Variants in IGF1R observed in about 807,000 individuals in gnomAD.
IGF1R encodes insulin like growth factor 1 receptor, also known as insulin-like growth factor 1 receptor.
A neutral mutation model predicts 144.6 loss-of-function variants in IGF1R; 44 were observed. That is an observed-to-expected ratio of 0.30 (90% CI 0.24 to 0.39). The LOEUF is 0.39. Ranked by LOEUF, IGF1R falls within the 10% of genes least tolerant of loss-of-function variation. The probability of loss-of-function intolerance (pLI) is 1.00; values close to 1 mark genes in which losing one functional copy is unlikely to be tolerated. For synonymous variants in IGF1R, 795 were observed against 722.8 expected, an observed-to-expected ratio of 1.10 and a Z score of -1.60; for missense variants, 1,355 against 1,833.7, an observed-to-expected ratio of 0.74 and a Z score of 4.77.
In IGF1R at chr15:98,891,659, G is replaced by C; in HGVS notation, c.953+22G>C. 6.3e-7 allele frequency: 1 copy of C among 1,596,378 alleles called. No individual in the cohort carries two copies. The highest frequency in any genetic ancestry group is 8.5e-7 in the Non-Finnish European group (1 of 1,177,886). On this transcript the variant is annotated intron_variant, in intron 3 of 20. Coordinates refer to ENST00000650285, the MANE Select transcript of IGF1R (RefSeq NM_000875.5). This position sits in a 1 kb window ranked among gnomAD's most constrained non-coding sequence, Gnocchi z 4.7. ...AGAGGTCAGTCGCGGCCACACGTGTGGTCACTACCCGCCCCACCTCACCCG... is the reference window on the plus strand; with the variant it reads ...AGAGGTCAGTCGCGGCCACACGTGTCGTCACTACCCGCCCCACCTCACCCG...
At chr15:98,749,449 C>G (rs550154299) in intron 2 of IGF1R, among the ~76,000 whole-genome samples, 7 of 152,246 alleles carry the variant, frequency 4.6e-5, no homozygotes, top group East Asian at 1.9e-4. Flanking sequence ...GGCTGGTTAC[C>G]TGGTAACGCA....
At chr15:98,777,251 C>T (rs2055742351) in intron 2 of IGF1R, among the ~76,000 whole-genome samples, 1 of 152,210 alleles carries the variant, frequency 6.6e-6, no homozygotes, top group Admixed American at 6.5e-5. Flanking sequence ...TTCCTCGTAG[C>T]TACTCAGTGT....
chr15:98,661,752 T>C (rs2052603210), intron 1 of IGF1R, among the ~76,000 whole-genome samples: 1 of 152,192 alleles, frequency 6.6e-6, no homozygotes, highest in African/African-American at 2.4e-5. Context: ...ATAACACTGC[T>C]CTAGCAGGGA....
At chr15:98,784,945 G>A (rs1449131880) in intron 2 of IGF1R, among the ~76,000 whole-genome samples, 8 of 152,176 alleles carry the variant, frequency 5.3e-5, no homozygotes, top group Admixed American at 2.6e-4. Context: ...ACTGAGGGAT[G>A]ACTGTATTTA....
intron 1 of IGF1R, among the ~76,000 whole-genome samples, chr15:98,681,497 T>A (rs2053188969): frequency 6.6e-6 from 1 of 152,178 alleles, no homozygotes; most frequent in East Asian, 1.9e-4. Context: ...GATAAACCTC[T>A]AAGTTTGGGG....
chr15:98,674,977 A>ATTTTTTTTTTTTTTTTTTTTTTTTTT (rs71149408), intron 1 of IGF1R, among the ~76,000 whole-genome samples: 2 of 98,890 alleles, frequency 2.0e-5, no homozygotes, highest in African/African-American at 8.4e-5. Flanking sequence ...GTATTTTACA[A>ATTTTTTTTTTTTTTTTTTTTTTTTTT]TTTTTTTTTT....
chr15:98,690,439 C>T (rs1220528114), intron 1 of IGF1R, among the ~76,000 whole-genome samples: 1 of 152,232 alleles, frequency 6.6e-6, no homozygotes, highest in African/African-American at 2.4e-5. Context: ...ACTCTTCCTT[C>T]TTCCCCCCTG....
chr15:98,859,277 T>G (rs2141579759), intron 2 of IGF1R, among the ~76,000 whole-genome samples: 1 of 152,318 alleles, frequency 6.6e-6, no homozygotes, highest in South Asian at 2.1e-4. Context: ...TGAGGTAGAT[T>G]CTACCAACAT....
chr15:98,688,298 C>G (rs184484882), intron 1 of IGF1R, among the ~76,000 whole-genome samples: 1 of 142,620 alleles, frequency 7.0e-6, no homozygotes, highest in Non-Finnish European at 1.5e-5. Context: ...CCCCTTCTCT[C>G]CTACTCTCCT....
chr15:98,900,040 T>C (rs1462200872), intron 5 of IGF1R, among the ~76,000 whole-genome samples: 1 of 152,162 alleles, frequency 6.6e-6, no homozygotes, highest in Non-Finnish European at 1.5e-5. Flanking sequence ...CTCCATCTTT[T>C]AAGATATTGG....
chr15:98,676,093 G>C (rs1160593612), intron 1 of IGF1R, among the ~76,000 whole-genome samples: 1 of 151,836 alleles, frequency 6.6e-6, no homozygotes, highest in Non-Finnish European at 1.5e-5. Context: ...CCTTCCCAAA[G>C]TGTTGGGATT....
At chr15:98,838,859 G>A (rs1421176559) in intron 2 of IGF1R, among the ~76,000 whole-genome samples, 1 of 152,174 alleles carries the variant, frequency 6.6e-6, no homozygotes, top group Non-Finnish European at 1.5e-5. Context: ...CAGCAGACCC[G>A]GGAAAAATTC....
rs2052298015 is a variant in IGF1R at position 98,649,647 on chromosome 15, G to A, written c.66G>A (p.Ala22=). The stretch of plus-strand genomic sequence containing the variant: ...GGGGGCTCCTGTTTCTCTCCGCCGC[G>A]CTCTCGCTCTGGCCGACGAGTGGAG... ...SLWGLLFLSA[A]LSLWPTSGEI... is the part of the protein sequence containing the mutation. Residue 22 remains alanine, a synonymous_variant, in exon 1 of 21, where the codon GCG becomes GCA. Coordinates refer to ENST00000650285, the MANE Select transcript of IGF1R (RefSeq NM_000875.5). The A allele has an allele frequency of 1.2e-6, 2 of 1,609,324 alleles. No individual in the cohort carries two copies. The highest frequency in any genetic ancestry group is 1.7e-6 in the Non-Finnish European group (2 of 1,178,512).
intron 2 of IGF1R, among the ~76,000 whole-genome samples, chr15:98,775,732 C>G (rs62022087): frequency 0.12 from 18,788 of 152,198 alleles, 1,269 homozygotes; most frequent in Middle Eastern, 0.2. Context: ...AGGTCAGAAT[C>G]CCCTGGGTTG....
At chr15:98,869,310 A>AACC in intron 2 of IGF1R, among the ~76,000 whole-genome samples, 1 of 150,980 alleles carries the variant, frequency 6.6e-6, no homozygotes, top group Non-Finnish European at 1.5e-5. Context: ...AAACAACAAC[A>AACC]ACAACAAAAA....
At chr15:98,697,381 C>T (rs760446237) in intron 1 of IGF1R, among the ~76,000 whole-genome samples, 37 of 152,324 alleles carry the variant, frequency 2.4e-4, no homozygotes, top group Admixed American at 1.1e-3. Context: ...CCACCTGCTC[C>T]GCCACCTCTG....
chr15:98,774,220 A>G (rs374966413), intron 2 of IGF1R, among the ~76,000 whole-genome samples: 5 of 152,280 alleles, frequency 3.3e-5, no homozygotes, highest in South Asian at 4.1e-4. Flanking sequence ...TGTGCTTAGA[A>G]ATGCTGCCTG....
chr15:98,707,526 T>C lies in IGF1R; in HGVS notation c.95-36T>C. 1 of 1,601,272 alleles carries C rather than the reference T, an allele frequency of 6.2e-7. No individual in the cohort carries two copies. The highest frequency in any genetic ancestry group is 1.1e-5 in the South Asian group (1 of 90,494). On this transcript the variant is annotated intron_variant, in intron 1 of 20. Transcript: ENST00000650285. The surrounding 1 kb of genome is among the most constrained non-coding windows in gnomAD (Gnocchi z 6.7). ...GAAAATAGTTTAAAAATTATTTCCT[T>C]CTAACTGAGACGTTTACCCTCTTGT... is the stretch of plus-strand genomic sequence containing the variant.
At position 98,726,650 on chromosome 15, in the gene IGF1R, CCTTG is replaced by C. The variant is rs572107696; in HGVS notation, c.640+18547_640+18550del. ...AACAGCTTGTTTCTGAATTTTAATTCCTTGCTTTTCTCTGACTTTTTAAATTCCC... is the reference window on the plus strand; with the variant it reads ...AACAGCTTGTTTCTGAATTTTAATTCCTTTTCTCTGACTTTTTAAATTCCC... On this transcript the variant is annotated intron_variant, in intron 2 of 20. Coordinates refer to ENST00000650285, the MANE Select transcript of IGF1R (RefSeq NM_000875.5). Among the ~76,000 whole-genome samples the C allele has an allele frequency of 2.6e-3, 387 of 151,316 alleles. 2 individuals are homozygous for C. The highest frequency in any genetic ancestry group is 9.2e-3 in the African/African-American group (380 of 41,138).
Sources: allele counts gnomAD v4.1 joint callset (sites outside exome capture counted in the v4.1 genomes callset), GRCh38; gene constraint gnomAD v4.1.1; non-coding constraint Gnocchi (gnomAD v3.1); transcripts MANE v1.5; gene names NCBI Gene and HGNC (gene_info 2026-07-23, HGNC 2026-07-21).